The following RABGAP1L variants were observed in gnomAD, a reference collection of about 807,000 sequenced individuals.
RABGAP1L encodes the protein rab GTPase-activating protein 1-like.
In RABGAP1L, 63 loss-of-function variants were observed where a neutral mutation model predicts 137.7. The observed-to-expected ratio is 0.46, with a 90% confidence interval of 0.37 to 0.56. The LOEUF is 0.56. RABGAP1L is among the 20% of genes least tolerant of loss of function. The pLI, the probability that RABGAP1L is intolerant of heterozygous loss-of-function variation, is 0.00. For missense variants in RABGAP1L, 1,095 were observed against 1,244.0 expected, an observed-to-expected ratio of 0.88 and a Z score of 1.80; for synonymous variants, 431 against 433.7, an observed-to-expected ratio of 0.99 and a Z score of 0.08.
At chr1:174,439,539 A>T (rs1358985452) in intron 13 of RABGAP1L, among the ~76,000 whole-genome samples, 1 of 152,192 alleles carries the variant, frequency 6.6e-6, no homozygotes, top group Non-Finnish European at 1.5e-5. Context: ...CAATTGCTAG[A>T]TAGGACTTTT....
At chr1:174,558,762 G>A (rs893827746) in intron 13 of RABGAP1L, among the ~76,000 whole-genome samples, 4 of 152,124 alleles carry the variant, frequency 2.6e-5, no homozygotes, top group African/African-American at 9.7e-5. Context: ...GTTCATTCCC[G>A]TGGGCATTAT....
chr1:174,195,655 TTC>T (rs1169234074), intron 1 of RABGAP1L, among the ~76,000 whole-genome samples: 1 of 19,714 alleles, frequency 5.1e-5, no homozygotes, highest in African/African-American at 3.0e-4. Context: ...CTTCCTTCCT[TTC>T]CTTTCCTTTC....
At chr1:174,249,588 A>C (rs1672547577) in intron 5 of RABGAP1L, among the ~76,000 whole-genome samples, 1 of 149,390 alleles carries the variant, frequency 6.7e-6, no homozygotes, top group Non-Finnish European at 1.5e-5. Context: ...AGAAGCAAAT[A>C]TTTGAAAGAT....
At chr1:174,414,041 G>A (rs1037571086) in intron 13 of RABGAP1L, among the ~76,000 whole-genome samples, 3 of 152,128 alleles carry the variant, frequency 2.0e-5, no homozygotes, top group Non-Finnish European at 4.4e-5. Flanking sequence ...TGGTCTGTAA[G>A]TGTTTGTATA....
At chr1:174,955,988 T>A (rs1482853746) in intron 19 of RABGAP1L, among the ~76,000 whole-genome samples, 1 of 152,190 alleles carries the variant, frequency 6.6e-6, no homozygotes, top group East Asian at 1.9e-4. Context: ...AGGCTAAAAG[T>A]AGATTTAATA....
chr1:174,977,719 G>C (rs1670769436), intron 22 of RABGAP1L, among the ~76,000 whole-genome samples: 1 of 152,184 alleles, frequency 6.6e-6, no homozygotes, highest in Admixed American at 6.5e-5. Context: ...CTCTCAGCCA[G>C]CCAAGTCTGT....
intron 13 of RABGAP1L, among the ~76,000 whole-genome samples, chr1:174,512,631 A>G (rs1365094838): frequency 1.3e-5 from 2 of 152,076 alleles, no homozygotes; most frequent in Admixed American, 6.6e-5. Context: ...GTAAGCCTTC[A>G]CTCTTTCTCT....
intron 3 of RABGAP1L, among the ~76,000 whole-genome samples, chr1:174,227,989 A>T (rs1670330895): frequency 1.3e-5 from 2 of 151,942 alleles, no homozygotes; most frequent in Non-Finnish European, 2.9e-5. Context: ...TTCCTTTAAC[A>T]TTCCTCTTCT....
intron 13 of RABGAP1L, among the ~76,000 whole-genome samples, chr1:174,434,685 T>A (rs1653052353): frequency 6.6e-6 from 1 of 152,204 alleles, no homozygotes; most frequent in African/African-American, 2.4e-5. Context: ...GGTATCTCAT[T>A]GTGGGTGTAT....
intron 15 of RABGAP1L, among the ~76,000 whole-genome samples, chr1:174,688,037 A>G (rs923740157): frequency 6.2e-4 from 95 of 152,286 alleles, no homozygotes; most frequent in African/African-American, 2.1e-3. Context: ...TCTTACATCC[A>G]TTTATGAAAT....
chr1:174,819,761 C>A (rs1188126147), intron 19 of RABGAP1L, among the ~76,000 whole-genome samples: 2 of 152,094 alleles, frequency 1.3e-5, no homozygotes. Flanking sequence ...CAAACCACTT[C>A]ATCTACCAAT....
intron 13 of RABGAP1L, among the ~76,000 whole-genome samples, chr1:174,606,526 T>G (rs191372398): frequency 6.1e-4 from 93 of 152,362 alleles, no homozygotes; most frequent in African/African-American, 2.2e-3. Context: ...GGTCTTTATT[T>G]GGCATTTGAT....
chr1:174,738,572 T>C (rs768843603), intron 17 of RABGAP1L, among the ~76,000 whole-genome samples: 1 of 152,190 alleles, frequency 6.6e-6, no homozygotes, highest in Non-Finnish European at 1.5e-5. Context: ...TCCAGGAATC[T>C]GAACTTTTAA....
chr1:174,499,084 T>C (rs972573805), intron 13 of RABGAP1L, among the ~76,000 whole-genome samples: 1 of 152,084 alleles, frequency 6.6e-6, no homozygotes, highest in African/African-American at 2.4e-5. Flanking sequence ...AATGAACATA[T>C]CCAGTAGAAC....
At chr1:174,614,197 G>A (rs544308382) in intron 13 of RABGAP1L, among the ~76,000 whole-genome samples, 11 of 150,570 alleles carry the variant, frequency 7.3e-5, no homozygotes, top group South Asian at 2.1e-4. Context: ...GGCTGGTACC[G>A]GTTGTTCCTT....
chr1:174,861,231 C>T lies in RABGAP1L; in HGVS notation c.2340+49271C>T, dbSNP rs1037962192. On this transcript the variant is annotated intron_variant, in intron 19 of 25. Coordinates refer to ENST00000681986, the MANE Select transcript of RABGAP1L (RefSeq NM_001366446.1). ...TGGCTTATTTCACTTAGCATAATGT[C>T]TTCCAGCTTCATCCATGTTGTCATG... is the stretch of plus-strand genomic sequence containing the variant. Among the ~76,000 whole-genome samples, 3 of 152,116 alleles carry T rather than the reference C, an allele frequency of 2.0e-5. No homozygotes were observed. In the South Asian group the frequency reaches 6.2e-4, roughly 32 times the overall value.
chr1:174,503,442 A>G (rs971888334), intron 13 of RABGAP1L, among the ~76,000 whole-genome samples: 2 of 152,128 alleles, frequency 1.3e-5, no homozygotes, highest in African/African-American at 4.8e-5. Context: ...TGGGTGGACC[A>G]TGAGGTGAGG....
chr1:174,838,039 A>G (rs1018820740), intron 19 of RABGAP1L, among the ~76,000 whole-genome samples: 3 of 152,196 alleles, frequency 2.0e-5, no homozygotes, highest in African/African-American at 7.2e-5. Context: ...AGTAGTAGCT[A>G]TTTGATATAC....
chr1:174,165,274 T>A (rs896349350), intron 1 of RABGAP1L, among the ~76,000 whole-genome samples: 1 of 152,068 alleles, frequency 6.6e-6, no homozygotes, highest in African/African-American at 2.4e-5. Flanking sequence ...TCAGCCTCCC[T>A]GAGTAGCTGG....
Sources: gnomAD v4.1 joint callset for allele counts (sites outside exome capture counted in the v4.1 genomes callset) on GRCh38, gnomAD v4.1.1 for gene constraint, MANE v1.5 for transcripts, NCBI Gene and HGNC (gene_info 2026-07-23, HGNC 2026-07-21) for gene names.